Variants in RNF213 observed in about 807,000 individuals in gnomAD.
The protein encoded by RNF213 is ring finger protein 213, also known as E3 ubiquitin-protein ligase RNF213.
Under a neutral mutation model 514.4 loss-of-function variants are expected in RNF213, and 341 were observed. The ratio of observed to expected loss-of-function variants is 0.66; its 90% CI spans 0.61 to 0.73. The LOEUF (loss-of-function observed/expected upper bound fraction) is 0.73, where lower values mean the gene tolerates loss of function less well. Ranked by LOEUF, RNF213 falls within the 30% of genes least tolerant of loss-of-function variation. The pLI, the probability that RNF213 is intolerant of heterozygous loss-of-function variation, is 0.00. For synonymous variants in RNF213, 2,655 were observed against 2,658.2 expected, an observed-to-expected ratio of 1.00 and a Z score of 0.04; for missense variants, 5,767 against 6,615.6, an observed-to-expected ratio of 0.87 and a Z score of 4.45.
intron 38 of RNF213, among the ~76,000 whole-genome samples, chr17:80,361,009 G>A (rs2079035605): frequency 1.3e-5 from 2 of 152,076 alleles, no homozygotes; most frequent in Non-Finnish European, 2.9e-5. Flanking sequence ...GATCTTTCTG[G>A]CTTGCATGCT....
In RNF213 at chr17:80,324,896, C is replaced by T. The variant is rs530980804; in HGVS notation, c.3025-134C>T. ...AAATGTAAAGTGTTTTACTATTTTG[C>T]TCTTTTTGTGGCCTTATAAAACAAG... On this transcript the variant is annotated intron_variant, in intron 17 of 67. Transcript: ENST00000582970. 4.8e-6 allele frequency: 4 copies of T among 837,574 alleles called. No homozygotes were observed. The South Asian group carries it at 6.8e-5, about 14-fold the overall frequency. The allele number at this position is 837,574 out of a possible 1,614,324, so 51.9% of individuals were successfully genotyped here. A position where few individuals can be genotyped will look rare whatever the true frequency, so the allele number is the denominator to read the frequency against.
chr17:80,343,880 TC>T lies in RNF213; in HGVS notation c.6208del (p.Leu2070PhefsTer10). 1.2e-6 allele frequency: 2 copies of T among 1,614,176 alleles called. No individual in the cohort carries two copies. Among genetic ancestry groups the T allele is most frequent in the Non-Finnish European group, 1.7e-6 (2 of 1,180,004 alleles). On this transcript the variant is annotated frameshift_variant, in exon 28 of 68. Transcript: ENST00000582970. LOFTEE classifies it high-confidence loss of function. This position sits in a 1 kb window ranked among gnomAD's most constrained non-coding sequence, Gnocchi z 4.3. ...AGGTGCAGACTGGAATTTGGGTGTT[TC>T]TTTTCAAGCTCCTCATTTTACAATA... is the stretch of plus-strand genomic sequence containing the variant. ...SSVQTGIWVF[L>X]FKLLILQYLM...
chr17:80,383,856 G>A lies in RNF213; in HGVS notation c.14250G>A (p.Glu4750=), dbSNP rs369649993. The change falls in exon 59 of 68, where the codon GAG becomes GAA. Residue 4750 remains glutamate (E), a synonymous_variant. Transcript: ENST00000582970. ...GCTGCAGGAAAAGAATTACAGTTGAGTACCTCCAGCACATTGTGGAACAGA... is the reference window on the plus strand; with the variant it reads ...GCTGCAGGAAAAGAATTACAGTTGAATACCTCCAGCACATTGTGGAACAGA... ...IWSCRKRITV[E]YLQHIVEQKN... is the part of the protein sequence containing the mutation. The A allele has an allele frequency of 6.2e-6, 10 of 1,614,018 alleles. No homozygotes were observed. Among genetic ancestry groups the A allele is most frequent in the Non-Finnish European group, 8.5e-6 (10 of 1,180,026 alleles).
At chr17:80,359,401 GT>G (rs1341117321) in intron 37 of RNF213, among the ~76,000 whole-genome samples, 1 of 151,576 alleles carries the variant, frequency 6.6e-6, no homozygotes, top group Non-Finnish European at 1.5e-5. Context: ...GTGCGCACCT[GT>G]AGTCCCAGCT....
rs780158690 is a variant in RNF213, at chr17:80,339,832, C to T, written c.5465C>T (p.Pro1822Leu). Residue 1822 changes from proline (P) to leucine (L), a missense_variant, in exon 26 of 68, where the codon CCG becomes CTG. This residue lies in a region of RNF213 where 1,377 missense variants were observed against 1,635.2 expected (regional missense o/e 0.84). Transcript: ENST00000582970. The stretch of plus-strand genomic sequence containing the variant: ...GGGTCTCCCGTGGAGCGTTGTCTCC[C>T]GAGAGGTCTGCAGGTCGGCCAGCCC... ...MGGSPVERCLPRGLQVGQPNL... is the reference protein window; with the variant it reads ...MGGSPVERCLLRGLQVGQPNL... 1.2e-5 allele frequency: 19 copies of T among 1,535,616 alleles called. No homozygotes were observed. The highest frequency in any genetic ancestry group is 3.6e-5 in the South Asian group (3 of 83,986).
chr17:80,286,734 G>A (rs1025929590), intron 3 of RNF213, among the ~76,000 whole-genome samples: 3 of 152,082 alleles, frequency 2.0e-5, no homozygotes, highest in Admixed American at 6.6e-5. Context: ...TGGCAGTTTG[G>A]GGCCCTCATC....
In RNF213 at chr17:80,358,342, G is replaced by A; in HGVS notation, c.10917G>A (p.Met3639Ile). The part of the protein sequence containing the change: ...QGAVTPLLAS[M>I]ISFIDRDGNL... ...CTGTCACCCCTCTGCTGGCGAGCAT[G>A]ATATCATTCATCGACAGAGACGGCA... The change falls in exon 37 of 68, where the codon ATG (methionine) becomes ATA (isoleucine). Residue 3639 changes from methionine to isoleucine, a missense_variant. By Grantham distance (10) the Met-to-Ile change is conservative. Coordinates refer to ENST00000582970, the MANE Select transcript of RNF213 (RefSeq NM_001256071.3). 1 of 1,614,172 alleles carries A rather than the reference G, an allele frequency of 6.2e-7. No homozygotes were observed. Among genetic ancestry groups the A allele is most frequent in the Non-Finnish European group, 8.5e-7 (1 of 1,180,022 alleles).
In RNF213 at chr17:80,394,820, C is replaced by G. The variant is rs530418517; in HGVS notation, c.*1322C>G. The G allele has an allele frequency of 6.6e-6, 1 of 152,266 alleles. No homozygotes were observed. Among genetic ancestry groups the G allele is most frequent in the Admixed American group, 6.5e-5 (1 of 15,280 alleles). 9.4% of individuals were successfully genotyped at this position (152,266 alleles called of 1,614,324 possible). ...ATGAAGGGCAGAGTGACCCAGACTG[C>G]AGGCAGTAACTGACTTCACACAGTC... On this transcript the variant is annotated 3_prime_UTR_variant, in exon 68 of 68. Transcript: ENST00000582970.
At position 80,263,616 on chromosome 17, in the gene RNF213, A is replaced by G. The variant is rs1048371583; in HGVS notation, c.-66A>G. ...GTGGTCACGTGACAGGACATGTAGT[A>G]TATAGCAGGCTGCCAGCGACTCCTG... On this transcript the variant is annotated 5_prime_UTR_variant, in exon 2 of 68. Coordinates refer to ENST00000582970, the MANE Select transcript of RNF213 (RefSeq NM_001256071.3). The surrounding 1 kb of genome is among the most constrained non-coding windows in gnomAD (Gnocchi z 4.9). The G allele has an allele frequency of 2.4e-6, 3 of 1,253,212 alleles. No homozygotes were observed. Among genetic ancestry groups the G allele is most frequent in the Non-Finnish European group, 2.4e-6 (2 of 850,620 alleles). The allele number at this position is 1,253,212 out of a possible 1,614,324, so 77.6% of individuals were successfully genotyped here.
At chr17:80,339,178 A>C (rs962595855) in intron 25 of RNF213, 23 bp from the exon 26 acceptor site, 1 of 1,456,040 alleles carries the variant, frequency 6.9e-7, no homozygotes. Flanking sequence ...CTGTGAGCCA[A>C]CCTCATGGTT....
intron 28 of RNF213, 81 bp from the exon 29 acceptor site, chr17:80,344,597 G>A: frequency 6.8e-7 from 1 of 1,478,182 alleles, no homozygotes; most frequent in Non-Finnish European, 9.4e-7. Flanking sequence ...ATCCAATATA[G>A]ATAACGTGGA....
chr17:80,395,018 G>C lies in RNF213; in HGVS notation c.*1520G>C, dbSNP rs1050483339. ...TTGATACCTCAGAGCTGGCTGTCAG[G>C]TGGCAGCTCACACCCAGACTCACTG... On this transcript the variant is annotated 3_prime_UTR_variant, in exon 68 of 68. Coordinates refer to ENST00000582970, the MANE Select transcript of RNF213 (RefSeq NM_001256071.3). The C allele has an allele frequency of 1.3e-5, 2 of 152,166 alleles. No individual in the cohort carries two copies. The highest frequency in any genetic ancestry group is 2.9e-5 in the Non-Finnish European group (2 of 68,060). 9.4% of individuals were successfully genotyped at this position (152,166 alleles called of 1,614,324 possible). A position where few individuals can be genotyped will look rare whatever the true frequency, so the allele number is the denominator to read the frequency against.
At chr17:80,294,074 C>G (rs1245596239) in intron 8 of RNF213, among the ~76,000 whole-genome samples, 1 of 152,188 alleles carries the variant, frequency 6.6e-6, no homozygotes, top group Non-Finnish European at 1.5e-5. Context: ...CTTCACGTGG[C>G]CTCTGACCCT....
chr17:80,318,432 A>T, intron 16 of RNF213, among the ~76,000 whole-genome samples: 1 of 152,258 alleles, frequency 6.6e-6, no homozygotes, highest in Middle Eastern at 3.4e-3. Flanking sequence ...AGGCCTGCCC[A>T]TAGGCAGGAA....
intron 3 of RNF213, among the ~76,000 whole-genome samples, chr17:80,283,662 C>G (rs920874337): frequency 5.3e-5 from 8 of 152,120 alleles, no homozygotes; most frequent in African/African-American, 1.9e-4. Flanking sequence ...GGTCTGAGCC[C>G]TTTGCTACAT....
At chr17:80,314,121 AAGGTGATGGTGGAGGTACTGG>A (rs2045725868) in intron 15 of RNF213, among the ~76,000 whole-genome samples, 1 of 26,208 alleles carries the variant, frequency 3.8e-5, no homozygotes, top group Non-Finnish European at 7.6e-5. Context: ...GGTGGTGGTG[AAGGTGATGGTGGAGGTACTGG>A]AGGTGATGGT....
In RNF213 at chr17:80,369,485, G is replaced by A. The variant is rs573036464; in HGVS notation, c.12156-17G>A. On this transcript the variant is annotated splice_polypyrimidine_tract_variant and intron_variant, in intron 44 of 67. Transcript: ENST00000582970. ...GGGAAACACCATCCACCTGTCTTCTGTTTCTCGTGTTCTAAGGGAAGCCAT... is the reference window on the plus strand; with the variant it reads ...GGGAAACACCATCCACCTGTCTTCTATTTCTCGTGTTCTAAGGGAAGCCAT... 2.2e-5 allele frequency: 35 copies of A among 1,612,198 alleles called. No individual in the cohort carries two copies. The highest frequency in any genetic ancestry group is 3.3e-5 in the South Asian group (3 of 91,008).
intron 60 of RNF213, among the ~76,000 whole-genome samples, 161 bp downstream of exon 60, chr17:80,385,332 CAT>C (rs1318190268): frequency 1.3e-5 from 2 of 152,192 alleles, no homozygotes; most frequent in Non-Finnish European, 2.9e-5. Context: ...ACCCCAAAAA[CAT>C]ATTAGAAGCT....
intron 2 of RNF213, among the ~76,000 whole-genome samples, chr17:80,267,557 T>C (rs2043650021): frequency 6.6e-6 from 1 of 152,200 alleles, no homozygotes; most frequent in Non-Finnish European, 1.5e-5. Flanking sequence ...AGTCACAACA[T>C]TCCCTTAAAC....
Sources: allele counts gnomAD v4.1 joint callset (sites outside exome capture counted in the v4.1 genomes callset), GRCh38; gene constraint gnomAD v4.1.1; regional missense constraint gnomAD v4.1.1; non-coding constraint Gnocchi (gnomAD v3.1); transcripts MANE v1.5; gene names NCBI Gene and HGNC (gene_info 2026-07-23, HGNC 2026-07-21).